CDH13: variants seen among roughly 807,000 people sequenced by gnomAD.
The protein encoded by CDH13 is cadherin 13, also known as cadherin-13.
CDH13 carries 24 observed loss-of-function variants against 63.8 expected under a neutral mutation model. That is an observed-to-expected ratio of 0.38 (90% CI 0.27 to 0.53). The LOEUF (loss-of-function observed/expected upper bound fraction) is 0.53. Among genes scored for constraint, CDH13 ranks in the 20% least tolerant of loss-of-function variants. The probability of loss-of-function intolerance (pLI) is 0.85; values close to 1 mark genes in which losing one functional copy is unlikely to be tolerated. For missense variants in CDH13, 1,049 were observed against 903.1 expected (o/e 1.16, Z -2.07); for synonymous variants, 503 against 355.3 (o/e 1.42, Z -4.67).
intron 6 of CDH13, among the ~76,000 whole-genome samples, chr16:83,387,833 C>T (rs939768073): frequency 1.7e-4 from 26 of 152,260 alleles, no homozygotes; most frequent in African/African-American, 6.0e-4. Flanking sequence ...TCTTTCTTTG[C>T]CTTGGTTTGC....
intron 1 of CDH13, among the ~76,000 whole-genome samples, chr16:82,839,524 C>A (rs541996111): frequency 5.4e-4 from 83 of 152,322 alleles, no homozygotes; most frequent in Admixed American, 4.8e-3. Context: ...GAGGATTAAT[C>A]TCCCTAACTG....
intron 1 of CDH13, among the ~76,000 whole-genome samples, chr16:82,679,042 G>T (rs1417952910): frequency 6.6e-6 from 1 of 152,164 alleles, no homozygotes; most frequent in Admixed American, 6.5e-5. Flanking sequence ...CTCCTCCCAA[G>T]ACAGCTATAG....
intron 4 of CDH13, among the ~76,000 whole-genome samples, chr16:83,183,452 G>T (rs901974768): frequency 6.6e-6 from 1 of 152,196 alleles, no homozygotes; most frequent in Non-Finnish European, 1.5e-5. Context: ...AATTAAATCT[G>T]TGAGTTATAT....
chr16:83,679,869 C>T (rs1321618717), intron 10 of CDH13, among the ~76,000 whole-genome samples: 2 of 152,176 alleles, frequency 1.3e-5, no homozygotes, highest in East Asian at 3.9e-4. Context: ...CCCTGTGTCT[C>T]TGCCATTGCT....
At chr16:82,721,567 A>C (rs1325991240) in intron 1 of CDH13, among the ~76,000 whole-genome samples, 2 of 152,192 alleles carry the variant, frequency 1.3e-5, no homozygotes, top group Admixed American at 1.3e-4. Flanking sequence ...TAGAAGTAAC[A>C]GCAAAGTCAA....
rs571284188 is a variant in CDH13 at position 83,129,315 on chromosome 16, G to A, written c.483+3814G>A. Among the ~76,000 whole-genome samples, 7 of 152,324 alleles carry A rather than the reference G, an allele frequency of 4.6e-5. No individual in the cohort carries two copies. In the South Asian group the frequency reaches 1.4e-3, roughly 32 times the overall value. On this transcript the variant is annotated intron_variant, in intron 4 of 13. Transcript: ENST00000567109. Reference sequence around the variant, plus strand: ...TCGATATAGAATGCCATTTGAAGAAGAGATTCTGCAGCTCTAAAAGTATAA... The same window carrying A: ...TCGATATAGAATGCCATTTGAAGAAAAGATTCTGCAGCTCTAAAAGTATAA...
chr16:83,778,099 T>A (rs1915246680), intron 11 of CDH13, among the ~76,000 whole-genome samples: 1 of 152,250 alleles, frequency 6.6e-6, no homozygotes, highest in Non-Finnish European at 1.5e-5. Flanking sequence ...CTCTAACCTT[T>A]CTTGCAGAAA....
chr16:82,963,040 C>G (rs893144188), intron 2 of CDH13, among the ~76,000 whole-genome samples: 1 of 152,098 alleles, frequency 6.6e-6, no homozygotes, highest in African/African-American at 2.4e-5. Context: ...ACACCTAAAA[C>G]TTCCTGATCT....
intron 6 of CDH13, among the ~76,000 whole-genome samples, chr16:83,352,330 C>T (rs1458206009): frequency 1.3e-5 from 2 of 152,080 alleles, no homozygotes; most frequent in Non-Finnish European, 2.9e-5. Flanking sequence ...TCCACCTAGT[C>T]GTTCAAGAGG....
chr16:82,777,430 A>G (rs918246040), intron 1 of CDH13, among the ~76,000 whole-genome samples: 4 of 152,120 alleles, frequency 2.6e-5, no homozygotes, highest in African/African-American at 9.7e-5. Context: ...ATTTTGCTTA[A>G]CTCCACACTG....
chr16:83,172,782 C>G (rs139773218), intron 4 of CDH13, among the ~76,000 whole-genome samples: 160 of 152,124 alleles, frequency 1.1e-3, no homozygotes, highest in African/African-American at 3.4e-3. Flanking sequence ...AAACAAAAAA[C>G]AAACAATAAA....
At chr16:82,797,700 G>T (rs80174779) in intron 1 of CDH13, among the ~76,000 whole-genome samples, 7,846 of 151,868 alleles carry the variant, frequency 0.052, 321 homozygotes, top group Non-Finnish European at 0.081. Flanking sequence ...AGTGCTTAAG[G>T]TATGTCTGTT....
chr16:82,877,603 A>T (rs942821050), intron 2 of CDH13, among the ~76,000 whole-genome samples: 3 of 152,192 alleles, frequency 2.0e-5, no homozygotes, highest in African/African-American at 7.2e-5. Context: ...TTTGAAGTTA[A>T]GTAAGTTTGG....
chr16:83,040,629 C>T (rs534878174), intron 3 of CDH13, among the ~76,000 whole-genome samples: 11 of 152,294 alleles, frequency 7.2e-5, no homozygotes, highest in Admixed American at 2.0e-4. Context: ...TTGATGCCCA[C>T]CCAGACTGAG....
At chr16:82,751,750 C>T (rs1457194337) in intron 1 of CDH13, among the ~76,000 whole-genome samples, 1 of 151,426 alleles carries the variant, frequency 6.6e-6, no homozygotes, top group African/African-American at 2.4e-5. Flanking sequence ...CAAGAGATCG[C>T]ACGTTTTCGT....
intron 5 of CDH13, among the ~76,000 whole-genome samples, chr16:83,236,667 T>A (rs1355555701): frequency 2.6e-5 from 4 of 152,074 alleles, no homozygotes; most frequent in Non-Finnish European, 5.9e-5. Flanking sequence ...CACTTCTGCT[T>A]GTTTCAGCTA....
intron 11 of CDH13, among the ~76,000 whole-genome samples, chr16:83,762,932 G>C (rs1038339284): frequency 1.3e-5 from 2 of 152,176 alleles, no homozygotes; most frequent in African/African-American, 2.4e-5. Context: ...TTTAAAGAAA[G>C]ACGAAAACAA....
At position 82,928,653 on chromosome 16, in the gene CDH13, G is replaced by C. The variant is rs368722199; in HGVS notation, c.157+70180G>C. 1.3e-4 allele frequency among the ~76,000 whole-genome samples: 20 copies of C among 152,334 alleles called. No homozygotes were observed. The East Asian group carries it at 2.3e-3, about 18-fold the overall frequency. ...ATAAGAATTGTCCAAGGTAAGAGTT[G>C]TGTAGGCTCTGTAAAAACTCCCCAA... On this transcript the variant is annotated intron_variant, in intron 2 of 13. Coordinates refer to ENST00000567109, the MANE Select transcript of CDH13 (RefSeq NM_001257.5).
chr16:82,893,786 C>T (rs2041160452), intron 2 of CDH13, among the ~76,000 whole-genome samples: 1 of 152,176 alleles, frequency 6.6e-6, no homozygotes, highest in Non-Finnish European at 1.5e-5. Context: ...TGGACCTCAG[C>T]TACTCTTCCC....
Sources: gnomAD v4.1 joint callset for allele counts (sites outside exome capture counted in the v4.1 genomes callset) on GRCh38, gnomAD v4.1.1 for gene constraint, MANE v1.5 for transcripts, NCBI Gene and HGNC (gene_info 2026-07-23, HGNC 2026-07-21) for gene names.